The following NCOR2 variants were observed in gnomAD, a reference collection of about 807,000 sequenced individuals.
NCOR2 encodes nuclear receptor corepressor 2.
In NCOR2, 81 loss-of-function variants were observed where a neutral mutation model predicts 262.9. The ratio of observed to expected loss-of-function variants is 0.31; its 90% CI spans 0.26 to 0.37. NCOR2 has a LOEUF of 0.37. NCOR2 is among the 10% of genes least tolerant of loss of function. The pLI is 1.00. For synonymous variants in NCOR2, 1,659 were observed against 1,559.3 expected (o/e 1.06, Z -1.51); for missense variants, 3,385 against 3,621.4 (o/e 0.93, Z 1.68).
chr12:124,447,743 C>A (rs1438105144), intron 7 of NCOR2, among the ~76,000 whole-genome samples: 1 of 151,180 alleles, frequency 6.6e-6, no homozygotes, highest in Non-Finnish European at 1.5e-5. Flanking sequence ...GTCACCCAGG[C>A]TGGAGTACAG....
chr12:124,372,164 C>G (rs2039567079), exon 20 of NCOR2: 7 of 1,601,384 alleles, frequency 4.4e-6, no homozygotes, highest in Non-Finnish European at 5.9e-6. Flanking sequence ...TTGAGCGCCC[C>G]CTCGGCCGTG....
At chr12:124,397,454 GC>G (rs1055124441) in intron 16 of NCOR2, among the ~76,000 whole-genome samples, 6 of 152,144 alleles carry the variant, frequency 3.9e-5, no homozygotes, top group South Asian at 2.1e-4. Context: ...CTGGACCCCA[GC>G]CCCCACGGTG....
At chr12:124,368,660 C>A (rs757784123) in intron 20 of NCOR2, among the ~76,000 whole-genome samples, 62 of 152,228 alleles carry the variant, frequency 4.1e-4, no homozygotes, top group Non-Finnish European at 7.2e-4. Flanking sequence ...CCCAGGGGGT[C>A]TGGCTTTCCC....
chr12:124,480,822 G>C (rs1157582198), intron 3 of NCOR2, among the ~76,000 whole-genome samples: 1 of 149,030 alleles, frequency 6.7e-6, no homozygotes, highest in East Asian at 2.0e-4. Flanking sequence ...GGGGGAAGGA[G>C]GGGGAGCGGA....
At chr12:124,459,416 C>T (rs1053223332) in intron 5 of NCOR2, among the ~76,000 whole-genome samples, 12 of 152,120 alleles carry the variant, frequency 7.9e-5, no homozygotes, top group Non-Finnish European at 1.5e-4. Context: ...TCCTGCTCCA[C>T]GGTCTTCTCT....
chr12:124,556,706 A>G (rs2137278157), intron 1 of NCOR2, among the ~76,000 whole-genome samples: 1 of 152,286 alleles, frequency 6.6e-6, no homozygotes, highest in African/African-American at 2.4e-5. Flanking sequence ...CTAAAAATAC[A>G]AAAATTAGCC....
At chr12:124,429,159 C>T (rs1266905217) in intron 10 of NCOR2, among the ~76,000 whole-genome samples, 1 of 152,246 alleles carries the variant, frequency 6.6e-6, no homozygotes, top group Non-Finnish European at 1.5e-5. Context: ...GTGCTGGGAA[C>T]TCTTCGGCCT....
intron 1 of NCOR2, among the ~76,000 whole-genome samples, chr12:124,563,334 G>T (rs185205918): frequency 6.6e-6 from 1 of 152,354 alleles, no homozygotes; most frequent in African/African-American, 2.4e-5. Context: ...GGAGCCAAGT[G>T]GGCAGGGCAG....
chr12:124,330,759 C>A (rs2035115877), intron 44 of NCOR2, 86 bp downstream of exon 46: 1 of 1,435,438 alleles, frequency 7.0e-7, no homozygotes, highest in African/African-American at 1.4e-5. Flanking sequence ...GCGAAGGCTC[C>A]TCGTCCCTTC....
At chr12:124,450,228 G>A (rs187569371) in intron 6 of NCOR2, among the ~76,000 whole-genome samples, 1 of 152,370 alleles carries the variant, frequency 6.6e-6, no homozygotes, top group African/African-American at 2.4e-5. Flanking sequence ...AAGCCACTTG[G>A]CTTCCTAGCT....
intron 37 of NCOR2, 109 bp downstream of exon 39, chr12:124,339,897 A>ACCCCCCCCCCCC: frequency 1.7e-5 from 3 of 176,224 alleles, no homozygotes; most frequent in South Asian, 4.4e-5. Context: ...ACATCTGCCC[A>ACCCCCCCCCCCC]CCCACCCACC....
rs2051622746 is a variant in NCOR2, at chr12:124,548,901, C to T, written c.-164-13290G>A. On this transcript the variant is annotated intron_variant, in intron 1 of 32. Coordinates refer to the NCOR2 transcript ENST00000458234. The surrounding 1 kb of genome is among the most constrained non-coding windows in gnomAD (Gnocchi z 5.1). ...TGCAGGGCTCTGATCTGCTTTCTCG[C>T]GAATCCACGCTTACTCATTCTGAGT... Among the ~76,000 whole-genome samples the T allele has an allele frequency of 6.6e-6, 1 of 152,156 alleles. No homozygotes were observed.
At chr12:124,400,322 A>G (rs887617156) in intron 15 of NCOR2, among the ~76,000 whole-genome samples, 179 bp downstream of exon 17, 8 of 152,142 alleles carry the variant, frequency 5.3e-5, no homozygotes, top group African/African-American at 1.7e-4. Context: ...GAGGTTCAGG[A>G]ATTCATGCTG....
chr12:124,558,592 C>T (rs934024477), intron 1 of NCOR2, among the ~76,000 whole-genome samples: 2 of 152,168 alleles, frequency 1.3e-5, no homozygotes, highest in African/African-American at 2.4e-5. Context: ...TCCAGAAGGA[C>T]GCCCAGAACA....
At chr12:124,373,693 G>A (rs537389917) in intron 19 of NCOR2, among the ~76,000 whole-genome samples, 9 of 102,848 alleles carry the variant, frequency 8.8e-5, no homozygotes, top group Non-Finnish European at 1.4e-4. Flanking sequence ...CAGGGGCCCC[G>A]GGCACAGTGG....
At position 124,483,537 on chromosome 12, in the gene NCOR2, C is replaced by T. The variant is rs371198131; in HGVS notation, c.411+59G>A. ...CCCTACCCACCACCTCCCACCCAGC[C>T]CAACCAGCAGCAGAACCTCAAGCGG... On this transcript the variant is annotated intron_variant, in intron 3 of 46. Coordinates refer to ENST00000405201, the Ensembl canonical transcript of NCOR2. The surrounding 1 kb of genome is among the most constrained non-coding windows in gnomAD (Gnocchi z 6.3). 2.7e-6 allele frequency: 4 copies of T among 1,471,556 alleles called. No individual in the cohort carries two copies. Among genetic ancestry groups the T allele is most frequent in the East Asian group, 2.5e-5 (1 of 40,804 alleles). The allele number at this position is 1,471,556 out of a possible 1,614,324, so 91.2% of individuals were successfully genotyped here. A position where few individuals can be genotyped will look rare whatever the true frequency, so the allele number is the denominator to read the frequency against.
chr12:124,378,091 G>C lies in NCOR2; in HGVS notation c.2167+146C>G. 2 of 1,473,132 alleles carry C rather than the reference G, an allele frequency of 1.4e-6. No homozygotes were observed. The highest frequency in any genetic ancestry group is 1.8e-6 in the Non-Finnish European group (2 of 1,108,916). 91.3% of individuals were successfully genotyped at this position (1,473,132 alleles called of 1,614,324 possible). ...GGTGAGTTTCTGGCAAGTCAGGCCC[G>C]CACCTTCCAGGGAGTCGAGGCCCCT... On this transcript the variant is annotated intron_variant, in intron 18 of 46. Transcript: ENST00000405201. The surrounding 1 kb of genome is among the most constrained non-coding windows in gnomAD (Gnocchi z 4.2).
At chr12:124,325,509 C>A (rs2034547409) in exon 47 of NCOR2, 2 of 1,356,994 alleles carry the variant, frequency 1.5e-6, no homozygotes, top group East Asian at 5.9e-5. Flanking sequence ...GCGGGGAGGC[C>A]CGGTGGGGGT....
At position 124,544,738 on chromosome 12, in the gene NCOR2, G is replaced by C. The variant is rs1870371885; in HGVS notation, c.-164-9127C>G. Among the ~76,000 whole-genome samples the C allele has an allele frequency of 3.9e-5, 6 of 152,320 alleles. No individual in the cohort carries two copies. The South Asian group carries it at 1.2e-3, about 32-fold the overall frequency. On this transcript the variant is annotated intron_variant, in intron 1 of 32. Coordinates refer to the NCOR2 transcript ENST00000458234. ...TTCAGCCGGTGCCCACACACAGGAG[G>C]GGACAGCCAGGCACAAGTGGGGCTG...
Sources: gnomAD v4.1 joint callset for allele counts (sites outside exome capture counted in the v4.1 genomes callset) on GRCh38, gnomAD v4.1.1 for gene constraint, Gnocchi (gnomAD v3.1) non-coding constraint, MANE v1.5 for transcripts, NCBI Gene and HGNC (gene_info 2026-07-23, HGNC 2026-07-21) for gene names.